TECR: variants seen among roughly 807,000 people sequenced by gnomAD.
TECR encodes very-long-chain enoyl-CoA reductase.
Under a neutral mutation model 50.6 loss-of-function variants are expected in TECR, and 19 were observed. The ratio of observed to expected loss-of-function variants is 0.38; its 90% confidence interval spans 0.26 to 0.55. TECR has a LOEUF of 0.55. Ranked by LOEUF, TECR falls within the 20% of genes least tolerant of loss-of-function variation. The pLI, the probability that TECR is intolerant of heterozygous loss-of-function variation, is 0.79. For missense variants in TECR, 313 were observed against 408.3 expected (o/e 0.77, Z 2.01); for synonymous variants, 168 against 163.5 (o/e 1.03, Z -0.21).
chr19:14,547,748 T>G (rs900112001), intron 1 of TECR, among the ~76,000 whole-genome samples: 2 of 151,458 alleles, frequency 1.3e-5, no homozygotes, highest in Non-Finnish European at 2.9e-5. Context: ...AGCTTGGGCC[T>G]CCTGGGCTTA....
intron 1 of TECR, chr19:14,530,689 G>A (rs1452323679): frequency 1.3e-5 from 2 of 152,114 alleles, no homozygotes; most frequent in East Asian, 1.9e-4. Context: ...TTAGTTCCTA[G>A]CCACTATGCC....
At chr19:14,560,398 C>T (rs1224434961) in intron 1 of TECR, among the ~76,000 whole-genome samples, 1 of 152,172 alleles carries the variant, frequency 6.6e-6, no homozygotes, top group Non-Finnish European at 1.5e-5. Flanking sequence ...CACTGCCTGC[C>T]TGGGGCCCAG....
At chr19:14,540,669 G>C (rs1202227267) in intron 1 of TECR, among the ~76,000 whole-genome samples, 2 of 152,086 alleles carry the variant, frequency 1.3e-5, no homozygotes, top group Non-Finnish European at 2.9e-5. Context: ...TGGGATTACA[G>C]GCATGAGCCA....
chr19:14,531,637 G>T (rs1313091884), intron 1 of TECR: 1 of 152,124 alleles, frequency 6.6e-6, no homozygotes, highest in Non-Finnish European at 1.5e-5. Flanking sequence ...GGTCAGGCTG[G>T]TCTCGAACTC....
At chr19:14,543,075 A>G (rs973497451) in intron 1 of TECR, among the ~76,000 whole-genome samples, 1 of 136,072 alleles carries the variant, frequency 7.3e-6, no homozygotes, top group Non-Finnish European at 1.6e-5. Context: ...GTGGGGTGCC[A>G]AGTTGGGGGT....
intron 1 of TECR, among the ~76,000 whole-genome samples, chr19:14,546,417 C>T (rs144379642): frequency 6.6e-6 from 1 of 152,188 alleles, no homozygotes; most frequent in African/African-American, 2.4e-5. Context: ...TGAAACCCCT[C>T]TTCTACTAAA....
chr19:14,539,289 T>C (rs2073017293), intron 1 of TECR, among the ~76,000 whole-genome samples: 1 of 151,854 alleles, frequency 6.6e-6, no homozygotes, highest in African/African-American at 2.4e-5. Flanking sequence ...CCACCACACC[T>C]GGCTGCAAGT....
rs2073959386 is a variant in TECR at position 14,563,289 on chromosome 19, C to T, written c.118+32C>T. ...TCTAGTCCCGGCCACACTGCCCCTG[C>T]AACCCCTTTGACCAGGGACCTTAGG... is the stretch of plus-strand genomic sequence containing the variant. On this transcript the variant is annotated intron_variant, in intron 3 of 12. Coordinates refer to ENST00000215567, the MANE Select transcript of TECR (RefSeq NM_138501.6). The surrounding 1 kb of genome is among the most constrained non-coding windows in gnomAD (Gnocchi z 5.3). 6.3e-7 allele frequency: 1 copy of T among 1,584,008 alleles called. No individual in the cohort carries two copies. The highest frequency in any genetic ancestry group is 1.3e-5 in the African/African-American group (1 of 74,324).
intron 1 of TECR, among the ~76,000 whole-genome samples, chr19:14,535,435 A>G (rs2146557097): frequency 7.5e-6 from 1 of 133,014 alleles, no homozygotes; most frequent in Admixed American, 8.2e-5. Flanking sequence ...TTGACCCGGG[A>G]GGCGGAGCTT....
chr19:14,564,072 A>G lies in TECR; in HGVS notation c.358A>G (p.Thr120Ala). Reference protein sequence around the residue: ...PFIYGHKYDFTSSRHTVVHLA... With the variant: ...PFIYGHKYDFASSRHTVVHLA... The stretch of plus-strand genomic sequence containing the variant: ...CATCTATGGCCACAAATATGACTTT[A>G]CGTCCAGTCGGCATACAGTGGTGCA... Residue 120 changes from threonine to alanine, a missense_variant, in exon 6 of 13, where the codon ACG (threonine) becomes GCG (alanine). Transcript: ENST00000215567. The G allele has an allele frequency of 6.2e-7, 1 of 1,613,106 alleles. No individual in the cohort carries two copies. The highest frequency in any genetic ancestry group is 1.1e-5 in the South Asian group (1 of 91,074).
intron 1 of TECR, among the ~76,000 whole-genome samples, chr19:14,555,070 C>T (rs910665291): frequency 6.6e-6 from 1 of 151,740 alleles, no homozygotes; most frequent in Non-Finnish European, 1.5e-5. Flanking sequence ...AGCCACTGCG[C>T]CTGGCCTTGT....
At chr19:14,535,797 A>AGCTGTGG (rs1006912796) in intron 1 of TECR, among the ~76,000 whole-genome samples, 5 of 141,812 alleles carry the variant, frequency 3.5e-5, no homozygotes, top group African/African-American at 1.0e-4. Context: ...GTGAGCCTTG[A>AGCTGTGG]GCTGTGGTGA....
At chr19:14,545,514 G>A (rs2073275935) in intron 1 of TECR, among the ~76,000 whole-genome samples, 2 of 152,158 alleles carry the variant, frequency 1.3e-5, no homozygotes, top group Admixed American at 1.3e-4. Flanking sequence ...TAGGGGGTGG[G>A]GGGGATAGCC....
intron 1 of TECR, among the ~76,000 whole-genome samples, chr19:14,546,411 A>G (rs548351064): frequency 6.6e-6 from 1 of 151,370 alleles, no homozygotes; most frequent in Admixed American, 6.6e-5. Context: ...ACATGCTGAA[A>G]CCCCTCTTCT....
chr19:14,527,870 G>C (rs1446933675), upstream of TECR: 1 of 152,116 alleles, frequency 6.6e-6, no homozygotes, highest in Non-Finnish European at 1.5e-5. Context: ...CTGTTCCTTT[G>C]TCTGTCAAAA....
chr19:14,562,130 C>CATG (rs1223005284), intron 1 of TECR: 2 of 543,148 alleles, frequency 3.7e-6, no homozygotes, highest in Non-Finnish European at 3.3e-6. Flanking sequence ...AGGTCTGTGG[C>CATG]ATGGCTCCTG....
intron 1 of TECR, chr19:14,530,848 C>T (rs1404888898): frequency 2.0e-5 from 3 of 152,190 alleles, no homozygotes; most frequent in African/African-American, 7.2e-5. Flanking sequence ...AGAACATTCA[C>T]ATTGTTGTGC....
chr19:14,549,138 G>C (rs1381776392), intron 1 of TECR, among the ~76,000 whole-genome samples: 1 of 151,526 alleles, frequency 6.6e-6, no homozygotes, highest in Non-Finnish European at 1.5e-5. Context: ...TGCCCTATCG[G>C]CTGTAGTTTG....
chr19:14,565,174 G>A, intron 10 of TECR, 28 bp from the exon 11 acceptor site: 1 of 1,613,846 alleles, frequency 6.2e-7, no homozygotes, highest in South Asian at 1.1e-5. Flanking sequence ...GAGGGGGTCT[G>A]ACTTTCTCCT....
Sources: gnomAD v4.1 joint callset for allele counts (sites outside exome capture counted in the v4.1 genomes callset) on GRCh38, gnomAD v4.1.1 for gene constraint, Gnocchi (gnomAD v3.1) non-coding constraint, MANE v1.5 for transcripts, NCBI Gene and HGNC (gene_info 2026-07-23, HGNC 2026-07-21) for gene names.